The following LEPR variants were observed in gnomAD, a reference collection of about 807,000 sequenced individuals.
LEPR encodes the protein leptin receptor, also known as OB receptor.
Under a neutral mutation model 114.7 loss-of-function variants are expected in LEPR, and 56 were observed. The ratio of observed to expected loss-of-function variants is 0.49; its 90% CI spans 0.39 to 0.61. The LOEUF (loss-of-function observed/expected upper bound fraction) is 0.61, where lower values mean the gene tolerates loss of function less well. Among genes scored for constraint, LEPR ranks in the 20% least tolerant of loss-of-function variants. The probability of loss-of-function intolerance (pLI) is 0.00; values close to 1 mark genes in which losing one functional copy is unlikely to be tolerated. For missense variants in LEPR, 1,202 were observed against 1,352.9 expected, an observed-to-expected ratio of 0.89 and a Z score of 1.75; for synonymous variants, 443 against 461.4, an observed-to-expected ratio of 0.96 and a Z score of 0.51.
At chr1:65,486,125 T>G (rs564345352) in intron 2 of LEPR, among the ~76,000 whole-genome samples, 2 of 152,314 alleles carry the variant, frequency 1.3e-5, no homozygotes, top group Admixed American at 6.5e-5. Context: ...TACTAACAGA[T>G]AGTTCATTCA....
chr1:65,582,367 T>G (rs1655047283), intron 5 of LEPR, among the ~76,000 whole-genome samples: 1 of 152,102 alleles, frequency 6.6e-6, no homozygotes, highest in Non-Finnish European at 1.5e-5. Context: ...GAGGAGCTAG[T>G]TTTGAGATAA....
At chr1:65,596,060 C>CT (rs1438440460) in intron 6 of LEPR, among the ~76,000 whole-genome samples, 3 of 151,930 alleles carry the variant, frequency 2.0e-5, no homozygotes, top group East Asian at 3.9e-4. Context: ...CTGCAAAATG[C>CT]TTTTTTCCTT....
At chr1:65,541,603 A>G (rs1651196701) in intron 2 of LEPR, among the ~76,000 whole-genome samples, 1 of 152,204 alleles carries the variant, frequency 6.6e-6, no homozygotes, top group African/African-American at 2.4e-5. Context: ...TGAATAAATA[A>G]AAGTTAACAT....
rs962009010 is a variant in LEPR, at chr1:65,637,585, G to A, written c.*570G>A. Reference sequence around the variant, plus strand: ...TATGTACCATAGAATGAAATAACCTGCAAGAATGGTGATGCCCACAATCAG... The same window carrying A: ...TATGTACCATAGAATGAAATAACCTACAAGAATGGTGATGCCCACAATCAG... On this transcript the variant is annotated 3_prime_UTR_variant, in exon 20 of 20. Transcript: ENST00000349533. 1.3e-5 allele frequency: 2 copies of A among 152,252 alleles called. No individual in the cohort carries two copies. The highest frequency in any genetic ancestry group is 2.4e-5 in the African/African-American group (1 of 41,440). 9.4% of individuals were successfully genotyped at this position (152,252 alleles called of 1,614,324 possible). A position where few individuals can be genotyped will look rare whatever the true frequency, so the allele number is the denominator to read the frequency against.
rs67805092 is a variant in LEPR at position 65,565,843 on chromosome 1, T to TCACACACACACACACACACACACAGA, written c.40+239_40+240insACACACACACACACACACACACAGAC. Among the ~76,000 whole-genome samples the TCACACACACACACACACACACACAGA allele has an allele frequency of 1.5e-4, 23 of 150,520 alleles. No homozygotes were observed. The East Asian group carries it at 4.4e-3, about 29-fold the overall frequency. On this transcript the variant is annotated intron_variant, in intron 3 of 19. Transcript: ENST00000349533. ...GTATCCTTCCAGAATCCTCTCTCTCTCTCACACACACACACACACAGACTC... is the reference window on the plus strand; with the variant it reads ...GTATCCTTCCAGAATCCTCTCTCTCTCACACACACACACACACACACACAGACTCACACACACACACACACAGACTC...
intron 2 of LEPR, chr1:65,434,356 C>T (rs1391458126): frequency 1.0e-6 from 1 of 985,030 alleles, no homozygotes; most frequent in African/African-American, 1.7e-5. Flanking sequence ...TTTGGAGATT[C>T]AGAGCATAGT....
chr1:65,525,994 G>A, intron 2 of LEPR: 2 of 767,226 alleles, frequency 2.6e-6, no homozygotes, highest in Non-Finnish European at 3.2e-6. Flanking sequence ...CCGGCGGGCG[G>A]CGGGGGTGGG....
In LEPR at chr1:65,600,916, T is replaced by C. The variant is rs1331997414; in HGVS notation, c.995-476T>C. On this transcript the variant is annotated intron_variant, in intron 8 of 19. Coordinates refer to ENST00000349533, the MANE Select transcript of LEPR (RefSeq NM_002303.6). The stretch of plus-strand genomic sequence containing the variant: ...ATATCTCGTATCTTTACCTACTTAC[T>C]TGAAATTTTTATGTATCCAAACAAG... 4.6e-5 allele frequency among the ~76,000 whole-genome samples: 7 copies of C among 152,150 alleles called. No individual in the cohort carries two copies. In the South Asian group the frequency reaches 1.2e-3, roughly 27 times the overall value.
At chr1:65,475,451 G>A (rs1647146486) in intron 2 of LEPR, among the ~76,000 whole-genome samples, 1 of 152,190 alleles carries the variant, frequency 6.6e-6, no homozygotes, top group Admixed American at 6.5e-5. Flanking sequence ...CCAACACAAA[G>A]CTACTGGGCT....
rs1646536968 is a variant in LEPR at position 65,434,851 on chromosome 1, A to T, written c.-21+9473A>T. The T allele has an allele frequency of 5.1e-6, 5 of 985,356 alleles. No homozygotes were observed. The South Asian group carries it at 1.9e-4, about 37-fold the overall frequency. 61.0% of individuals were successfully genotyped at this position (985,356 alleles called of 1,614,324 possible). On this transcript the variant is annotated intron_variant, in intron 2 of 19. Transcript: ENST00000349533. ...ACCCACCCTTCTCCTCCCATTAGTC[A>T]GTTCTCTAAGTACAGCTGATGTCAT...
intron 14 of LEPR, among the ~76,000 whole-genome samples, chr1:65,613,246 T>C (rs928007236): frequency 2.6e-5 from 4 of 152,206 alleles, no homozygotes; most frequent in Non-Finnish European, 4.4e-5. Flanking sequence ...CTCTTTTAAT[T>C]GACTCATGTT....
chr1:65,464,397 C>T (rs1307153308), intron 2 of LEPR, among the ~76,000 whole-genome samples: 2 of 152,098 alleles, frequency 1.3e-5, no homozygotes, highest in Admixed American at 6.6e-5. Context: ...GGTGGATAAG[C>T]TTTTTGATGT....
At chr1:65,533,332 T>G (rs1023751477) in intron 2 of LEPR, among the ~76,000 whole-genome samples, 3 of 152,170 alleles carry the variant, frequency 2.0e-5, no homozygotes, top group African/African-American at 7.2e-5. Context: ...AACAATTTTT[T>G]TAGAACTTGA....
intron 2 of LEPR, among the ~76,000 whole-genome samples, chr1:65,472,615 GACACACACACACAC>G (rs77182938): frequency 1.8e-3 from 242 of 137,138 alleles, no homozygotes; most frequent in Non-Finnish European, 2.9e-3. Flanking sequence ...TATATATATA[GACACACACACACAC>G]ACACACACAC....
In LEPR at chr1:65,609,901, A is replaced by G. The variant is rs752922377; in HGVS notation, c.1753-46A>G. ...ATGTACTTCAGGGCCCTTTAGATAC[A>G]TATGTGTTGGTAATGATCAATCTAA... On this transcript the variant is annotated intron_variant, in intron 12 of 19. Coordinates refer to ENST00000349533, the MANE Select transcript of LEPR (RefSeq NM_002303.6). 6.2e-6 allele frequency: 10 copies of G among 1,613,442 alleles called. No individual in the cohort carries two copies. The Admixed American group carries it at 1.0e-4, about 16-fold the overall frequency.
chr1:65,540,268 T>A (rs1651096329), intron 2 of LEPR, among the ~76,000 whole-genome samples: 5 of 152,176 alleles, frequency 3.3e-5, no homozygotes. Context: ...TTGTTATACC[T>A]CATTAGTCTT....
chr1:65,596,097 G>A (rs898812391), intron 6 of LEPR, among the ~76,000 whole-genome samples: 4 of 152,060 alleles, frequency 2.6e-5, no homozygotes, highest in South Asian at 2.1e-4. Context: ...ATTGAAGTGG[G>A]TGAGGTTCAG....
At chr1:65,450,383 G>A (rs1001947904) in intron 2 of LEPR, among the ~76,000 whole-genome samples, 29 of 147,324 alleles carry the variant, frequency 2.0e-4, no homozygotes, top group African/African-American at 6.6e-4. Flanking sequence ...CCACTAACTC[G>A]TCATCTAGCA....
rs545161983 is a variant in LEPR, at chr1:65,515,499, T to C, written c.-20-50047T>C. Among the ~76,000 whole-genome samples the C allele has an allele frequency of 2.0e-5, 3 of 152,370 alleles. No homozygotes were observed. In the South Asian group the frequency reaches 6.2e-4, roughly 32 times the overall value. On this transcript the variant is annotated intron_variant, in intron 2 of 19. Coordinates refer to ENST00000349533, the MANE Select transcript of LEPR (RefSeq NM_002303.6). ...CATATTTATTTTTTAATATAAGTTA[T>C]AGATACAGTTTTATTTTTACTTTTG...
Sources: gnomAD v4.1 joint callset for allele counts (sites outside exome capture counted in the v4.1 genomes callset) on GRCh38, gnomAD v4.1.1 for gene constraint, MANE v1.5 for transcripts, NCBI Gene and HGNC (gene_info 2026-07-23, HGNC 2026-07-21) for gene names.